The following KIAA0825 variants were observed in gnomAD, a reference collection of about 807,000 sequenced individuals.
The protein encoded by KIAA0825 is uncharacterized protein KIAA0825.
In KIAA0825, 119 loss-of-function variants were observed where a neutral mutation model predicts 147.6. The ratio of observed to expected loss-of-function variants is 0.81; its 90% CI spans 0.69 to 0.94. The LOEUF is 0.94. KIAA0825 is among the 40% of genes least tolerant of loss of function. KIAA0825 has a pLI of 0.00. For missense variants in KIAA0825, 1,381 were observed against 1,472.7 expected (o/e 0.94, Z 1.02); for synonymous variants, 470 against 518.1 (o/e 0.91, Z 1.26).
intron 20 of KIAA0825, among the ~76,000 whole-genome samples, chr5:94,328,311 T>C (rs1340743463): frequency 6.6e-6 from 1 of 152,164 alleles, no homozygotes; most frequent in African/African-American, 2.4e-5. Flanking sequence ...TGTAAGAAAG[T>C]TCTTAGGTGT....
rs115370189 is a variant in KIAA0825 at position 94,592,966 on chromosome 5, C to A, written c.-152-10383G>T. On this transcript the variant is annotated intron_variant, in intron 1 of 20. Coordinates refer to ENST00000682413, the MANE Select transcript of KIAA0825 (RefSeq NM_001145678.3). ...AAACAAAATCATACTTTCAGAAAAA[C>A]AAGTGGGATGTACATTTAATATACT... is the stretch of plus-strand genomic sequence containing the variant. The A allele has an allele frequency of 4.3e-3, 2,462 of 572,294 alleles. 44 individuals are homozygous for A. Among genetic ancestry groups the A allele is most frequent in the African/African-American group, 0.04 (2,145 of 53,528 alleles). The allele number at this position is 572,294 out of a possible 1,614,324, so 35.5% of individuals were successfully genotyped here.
chr5:94,393,093 G>C (rs939421163), intron 17 of KIAA0825, among the ~76,000 whole-genome samples: 3 of 151,948 alleles, frequency 2.0e-5, no homozygotes, highest in Non-Finnish European at 4.4e-5. Flanking sequence ...ATCCTTTCCT[G>C]TCCATCACTG....
chr5:94,379,468 T>G lies in KIAA0825; in HGVS notation c.3710+4900A>C, dbSNP rs559919220. Among the ~76,000 whole-genome samples the G allele has an allele frequency of 8.5e-5, 13 of 152,346 alleles. No homozygotes were observed. In the South Asian group the frequency reaches 2.3e-3, roughly 27 times the overall value. ...CTGTTCCATTGGTCTATGGGTCTGT[T>G]TTTGTACCATACCATGCTGTTTTGG... On this transcript the variant is annotated intron_variant, in intron 20 of 20. Coordinates refer to ENST00000682413, the MANE Select transcript of KIAA0825 (RefSeq NM_001145678.3).
intron 5 of KIAA0825, among the ~76,000 whole-genome samples, chr5:94,513,805 A>C (rs1156266740): frequency 5.9e-5 from 9 of 152,102 alleles, no homozygotes; most frequent in Admixed American, 2.0e-4. Flanking sequence ...TTAATAAATA[A>C]TTTTCAGAGA....
chr5:94,500,266 GAGGAAAGCA>G (rs1328643669), intron 5 of KIAA0825, among the ~76,000 whole-genome samples: 1 of 152,192 alleles, frequency 6.6e-6, no homozygotes, highest in African/African-American at 2.4e-5. Flanking sequence ...AGATGTCTTA[GAGGAAAGCA>G]AGAATAAGGG....
chr5:94,385,818 A>G (rs1326172348), intron 19 of KIAA0825, among the ~76,000 whole-genome samples: 3 of 152,226 alleles, frequency 2.0e-5, no homozygotes, highest in Non-Finnish European at 4.4e-5. Flanking sequence ...GTAGGAGCTC[A>G]GTGCTCTATT....
At chr5:94,338,963 C>G (rs983651470) in intron 20 of KIAA0825, among the ~76,000 whole-genome samples, 1 of 152,046 alleles carries the variant, frequency 6.6e-6, no homozygotes, top group African/African-American at 2.4e-5. Context: ...TAAATAAATA[C>G]TATTCAAATT....
At chr5:94,469,864 T>C in intron 10 of KIAA0825, 97 bp downstream of exon 10, 1 of 923,810 alleles carries the variant, frequency 1.1e-6, no homozygotes, top group Admixed American at 3.3e-5. Flanking sequence ...CTTCGGGTAT[T>C]AGTAATGCCA....
intron 20 of KIAA0825, among the ~76,000 whole-genome samples, chr5:94,175,627 T>C (rs1025623258): frequency 1.3e-5 from 2 of 152,184 alleles, no homozygotes; most frequent in African/African-American, 4.8e-5. Flanking sequence ...CTCTCCCTTA[T>C]TTAAATTCTA....
chr5:94,472,589 C>A lies in KIAA0825; in HGVS notation c.1455+703G>T, dbSNP rs1402827795. 2.0e-5 allele frequency among the ~76,000 whole-genome samples: 3 copies of A among 151,994 alleles called. No homozygotes were observed. The East Asian group carries it at 5.8e-4, about 29-fold the overall frequency. On this transcript the variant is annotated intron_variant, in intron 8 of 20. Coordinates refer to ENST00000682413, the MANE Select transcript of KIAA0825 (RefSeq NM_001145678.3). The stretch of plus-strand genomic sequence containing the variant: ...GAAACCCCGTCTTTACTAAATATAC[C>A]AAAAATTAGCCGGGCGAGGTAGCGG...
chr5:94,282,476 A>C (rs927342038), intron 20 of KIAA0825, among the ~76,000 whole-genome samples: 21 of 152,276 alleles, frequency 1.4e-4, no homozygotes, highest in Non-Finnish European at 2.4e-4. Context: ...ATAGAACAGA[A>C]TAGAGAACAG....
intron 5 of KIAA0825, among the ~76,000 whole-genome samples, chr5:94,489,355 C>A (rs1012423361): frequency 6.6e-6 from 1 of 152,052 alleles, no homozygotes; most frequent in South Asian, 2.1e-4. Flanking sequence ...AATGAATCAG[C>A]GTCTCTACGG....
chr5:94,461,137 T>C (rs555522360), intron 12 of KIAA0825, among the ~76,000 whole-genome samples: 125 of 152,134 alleles, frequency 8.2e-4, no homozygotes, highest in African/African-American at 2.9e-3. Flanking sequence ...ATAATGAATG[T>C]ATGTTACATT....
chr5:94,546,015 T>C (rs1774283566), intron 2 of KIAA0825, among the ~76,000 whole-genome samples: 1 of 152,112 alleles, frequency 6.6e-6, no homozygotes, highest in African/African-American at 2.4e-5. Flanking sequence ...CCTGGCAACA[T>C]TCACGACAAG....
At chr5:94,195,530 GA>G (rs1771051679) in intron 20 of KIAA0825, among the ~76,000 whole-genome samples, 1 of 151,314 alleles carries the variant, frequency 6.6e-6, no homozygotes, top group African/African-American at 2.4e-5. Flanking sequence ...AAAGCATATA[GA>G]AAAAAAGGAG....
At chr5:94,467,202 C>A (rs924287242) in intron 10 of KIAA0825, among the ~76,000 whole-genome samples, 53 of 152,270 alleles carry the variant, frequency 3.5e-4, no homozygotes, top group African/African-American at 1.2e-3. Flanking sequence ...TTTGTTCTAA[C>A]AATTCTTTTT....
Position 94,536,788 on chromosome 5 carries a change from G to A in KIAA0825, c.131+208C>T, listed in dbSNP as rs539216040. ...CTTTAATTGCCTATTTCAAGATAGT[G>A]CTTCTATTTTCTAGTCTTAAAAATA... is the stretch of plus-strand genomic sequence containing the variant. On this transcript the variant is annotated intron_variant, in intron 3 of 20. Transcript: ENST00000682413. Among the ~76,000 whole-genome samples the A allele has an allele frequency of 1.9e-3, 290 of 152,164 alleles. 1 individual carries two copies. Among genetic ancestry groups the A allele is most frequent in the Non-Finnish European group, 2.5e-3 (173 of 68,008 alleles).
intron 1 of KIAA0825, among the ~76,000 whole-genome samples, chr5:94,603,737 C>T (rs948159687): frequency 1.3e-5 from 2 of 152,126 alleles, no homozygotes; most frequent in African/African-American, 2.4e-5. Flanking sequence ...AGAAATTTAC[C>T]AAGCAAATGG....
chr5:94,222,757 T>C (rs1006125464), intron 20 of KIAA0825, among the ~76,000 whole-genome samples: 7 of 152,210 alleles, frequency 4.6e-5, no homozygotes, highest in African/African-American at 1.4e-4. Context: ...AGTTATGCTT[T>C]ATTCGACCAT....
Sources: allele counts gnomAD v4.1 joint callset (sites outside exome capture counted in the v4.1 genomes callset), GRCh38; gene constraint gnomAD v4.1.1; transcripts MANE v1.5; gene names NCBI Gene and HGNC (gene_info 2026-07-23, HGNC 2026-07-21).